MTMR2: variants seen among roughly 807,000 people sequenced by gnomAD.
MTMR2 encodes phosphatidylinositol-3,5-bisphosphate 3-phosphatase MTMR2.
MTMR2 carries 55 observed loss-of-function variants against 86.9 expected under a neutral mutation model. That is an observed-to-expected ratio of 0.63 (90% CI 0.51 to 0.79). The LOEUF (loss-of-function observed/expected upper bound fraction) is 0.79. MTMR2 is among the 30% of genes least tolerant of loss of function. MTMR2 has a pLI of 0.00. For missense variants in MTMR2, 659 were observed against 772.3 expected, an observed-to-expected ratio of 0.85 and a Z score of 1.74; for synonymous variants, 241 against 266.8, an observed-to-expected ratio of 0.90 and a Z score of 0.94.
intron 1 of MTMR2, among the ~76,000 whole-genome samples, chr11:95,893,691 A>G (rs1201274943): frequency 6.6e-6 from 1 of 152,066 alleles, no homozygotes; most frequent in Non-Finnish European, 1.5e-5. Flanking sequence ...CCCATTCCCC[A>G]AGTGACTTTT....
chr11:95,853,166 A>G (rs529825573), intron 7 of MTMR2, among the ~76,000 whole-genome samples: 3 of 150,974 alleles, frequency 2.0e-5, no homozygotes, highest in Admixed American at 2.0e-4. Context: ...CACATGCTGT[A>G]CTAAAAAGTA....
intron 1 of MTMR2, among the ~76,000 whole-genome samples, chr11:95,908,444 C>T (rs531199700): frequency 6.6e-6 from 1 of 152,144 alleles, no homozygotes; most frequent in African/African-American, 2.4e-5. Context: ...AGTGTGATTC[C>T]TACCAAATTA....
intron 3 of MTMR2, among the ~76,000 whole-genome samples, chr11:95,865,189 A>G (rs1864567545): frequency 6.6e-6 from 1 of 152,172 alleles, no homozygotes; most frequent in Non-Finnish European, 1.5e-5. Context: ...AAGCAAACAG[A>G]AGAGAAGATA....
chr11:95,835,514 T>TCCCTAAATGTTG, intron 14 of MTMR2, 63 bp from the exon 15 acceptor site: 1 of 1,533,626 alleles, frequency 6.5e-7, no homozygotes, highest in Non-Finnish European at 9.0e-7. Flanking sequence ...GTCAAATCAT[T>TCCCTAAATGTTG]CCCTAAATGT....
chr11:95,914,142 A>C (rs189550107), intron 1 of MTMR2: 13 of 965,830 alleles, frequency 1.3e-5, no homozygotes, highest in Non-Finnish European at 1.5e-5. Context: ...CTTGTTACTC[A>C]TAAGTGCAAA....
intron 1 of MTMR2, among the ~76,000 whole-genome samples, chr11:95,897,388 G>C (rs1326791019): frequency 6.6e-6 from 1 of 152,030 alleles, no homozygotes; most frequent in Non-Finnish European, 1.5e-5. Flanking sequence ...TTTTAATTAT[G>C]TAATCACAGT....
chr11:95,836,401 A>C, intron 13 of MTMR2, 77 bp from the exon 14 acceptor site: 1 of 1,365,912 alleles, frequency 7.3e-7, no homozygotes, highest in Non-Finnish European at 1.0e-6. Context: ...GTGAAGAAGT[A>C]CTTTGTTGTC....
intron 11 of MTMR2, among the ~76,000 whole-genome samples, chr11:95,842,016 C>T (rs1863569335): frequency 6.6e-6 from 1 of 152,128 alleles, no homozygotes; most frequent in Non-Finnish European, 1.5e-5. Context: ...TGGCTTGCGC[C>T]CAAAAGTACA....
chr11:95,916,870 G>A (rs567554421), intron 1 of MTMR2, among the ~76,000 whole-genome samples: 1 of 152,156 alleles, frequency 6.6e-6, no homozygotes, highest in East Asian at 1.9e-4. Flanking sequence ...ATGTACTTGG[G>A]GAAGGGAAGA....
At chr11:95,849,540 T>A in intron 9 of MTMR2, 134 bp downstream of exon 9, 1 of 805,774 alleles carries the variant, frequency 1.2e-6, no homozygotes, top group South Asian at 1.5e-5. Context: ...AATCACACCA[T>A]CAAGTTGAAG....
At chr11:95,864,133 T>G (rs1864520568) in intron 3 of MTMR2, among the ~76,000 whole-genome samples, 1 of 152,150 alleles carries the variant, frequency 6.6e-6, no homozygotes, top group Non-Finnish European at 1.5e-5. Flanking sequence ...TATTCAAGGA[T>G]GTGTGTTTAA....
chr11:95,874,431 G>A (rs1167503333), intron 2 of MTMR2, among the ~76,000 whole-genome samples: 3 of 151,452 alleles, frequency 2.0e-5, no homozygotes, highest in East Asian at 3.9e-4. Context: ...GCCTTTTTTT[G>A]TTTTCCATTT....
chr11:95,900,641 G>A (rs1150361), intron 1 of MTMR2, among the ~76,000 whole-genome samples: 42,980 of 151,170 alleles, frequency 0.28, 7,327 homozygotes, highest in Non-Finnish European at 0.39. Flanking sequence ...TTTTTTTTTA[G>A]GTTCAAAGCC....
chr11:95,877,819 T>A (rs1251695238), intron 2 of MTMR2, among the ~76,000 whole-genome samples: 3 of 152,028 alleles, frequency 2.0e-5, no homozygotes, highest in East Asian at 1.9e-4. Context: ...AGATTCTCCC[T>A]CAAAGCTCTC....
intron 7 of MTMR2, among the ~76,000 whole-genome samples, chr11:95,851,009 A>AAGCATATTC (rs1358556364): frequency 6.6e-6 from 1 of 151,064 alleles, no homozygotes; most frequent in Admixed American, 6.6e-5. Flanking sequence ...GACCTGTGCT[A>AAGCATATTC]AGCATATTCA....
At chr11:95,850,181 A>G (rs1211121234) in intron 8 of MTMR2, among the ~76,000 whole-genome samples, 1 of 149,846 alleles carries the variant, frequency 6.7e-6, no homozygotes, top group Non-Finnish European at 1.5e-5. Context: ...CAGTTCTAAA[A>G]GCCTTTAGAA....
intron 10 of MTMR2, among the ~76,000 whole-genome samples, chr11:95,847,113 A>G (rs1863824873): frequency 6.6e-6 from 1 of 152,192 alleles, no homozygotes; most frequent in African/African-American, 2.4e-5. Context: ...GTAAATTAGC[A>G]CTGACATGTG....
At chr11:95,922,161 A>C (rs1427316669) in intron 1 of MTMR2, among the ~76,000 whole-genome samples, 1 of 152,210 alleles carries the variant, frequency 6.6e-6, no homozygotes, top group Non-Finnish European at 1.5e-5. Context: ...TTATTTTAAA[A>C]GATGAGAAAA....
intron 11 of MTMR2, among the ~76,000 whole-genome samples, chr11:95,844,557 A>T (rs889553380): frequency 6.6e-6 from 1 of 152,170 alleles, no homozygotes; most frequent in African/African-American, 2.4e-5. Flanking sequence ...ATACCAAGGG[A>T]CAACTGTATA....
Sources: gnomAD v4.1 joint callset for allele counts (sites outside exome capture counted in the v4.1 genomes callset) on GRCh38, gnomAD v4.1.1 for gene constraint, MANE v1.5 for transcripts, NCBI Gene and HGNC (gene_info 2026-07-23, HGNC 2026-07-21) for gene names.